The following STRN variants were observed in gnomAD, a reference collection of about 807,000 sequenced individuals.
The protein encoded by STRN is protein phosphatase 2 regulatory subunit B'''alpha.
STRN carries 53 observed loss-of-function variants against 96.3 expected under a neutral mutation model. The observed-to-expected ratio is 0.55, with a 90% CI of 0.44 to 0.69. The LOEUF is 0.69. STRN is among the 30% of genes least tolerant of loss of function. The probability of loss-of-function intolerance (pLI) is 0.00; values close to 1 mark genes in which losing one functional copy is unlikely to be tolerated. For missense variants in STRN, 987 were observed against 963.9 expected (o/e 1.02, Z -0.32); for synonymous variants, 428 against 355.9 (o/e 1.20, Z -2.28).
chr2:36,870,665 A>C (rs1016270319), intron 10 of STRN, among the ~76,000 whole-genome samples: 1 of 152,224 alleles, frequency 6.6e-6, no homozygotes, highest in South Asian at 2.1e-4. Context: ...AGCACATATA[A>C]TTATGTACAG....
rs1446778178 is a variant in STRN at position 36,848,707 on chromosome 2, CAG to C, written c.*747_*748del. Reference sequence around the variant, plus strand: ...AATAAGTTAAATCTGTTAGTAAAAGCAGAGTCGATCAACTATTCTTCACAATG... The same window carrying C: ...AATAAGTTAAATCTGTTAGTAAAAGCAGTCGATCAACTATTCTTCACAATG... On this transcript the variant is annotated 3_prime_UTR_variant, in exon 18 of 18. Coordinates refer to ENST00000263918, the MANE Select transcript of STRN (RefSeq NM_003162.4). The C allele has an allele frequency of 2.0e-5, 3 of 152,310 alleles. No homozygotes were observed. In the East Asian group the frequency reaches 5.8e-4, roughly 29 times the overall value. The allele number at this position is 152,310 out of a possible 1,614,324, so 9.4% of individuals were successfully genotyped here.
At chr2:36,954,557 T>A (rs1664836702) in intron 1 of STRN, among the ~76,000 whole-genome samples, 1 of 150,884 alleles carries the variant, frequency 6.6e-6, no homozygotes, top group Middle Eastern at 3.5e-3. Context: ...ATTTGCAGAT[T>A]TTTTTAAGAT....
intron 10 of STRN, among the ~76,000 whole-genome samples, chr2:36,873,215 C>A (rs572054814): frequency 8.5e-5 from 13 of 152,300 alleles, no homozygotes; most frequent in African/African-American, 3.1e-4. Context: ...CTGCATACAT[C>A]TGAGAAAAGC....
At chr2:36,928,084 T>C (rs1225148516) in intron 1 of STRN, among the ~76,000 whole-genome samples, 22 of 152,158 alleles carry the variant, frequency 1.4e-4, no homozygotes, top group Admixed American at 1.3e-4. Context: ...ACCTTTTTTT[T>C]CTCTAGGAAA....
intron 5 of STRN, 99 bp from the exon 6 acceptor site, chr2:36,899,757 C>G: frequency 9.2e-7 from 1 of 1,089,038 alleles, no homozygotes; most frequent in South Asian, 1.8e-5. Context: ...TATATGGTAA[C>G]TATAAATCCC....
chr2:36,858,107 C>T (rs1668393138), intron 13 of STRN, 84 bp from the exon 14 acceptor site: 1 of 1,102,402 alleles, frequency 9.1e-7, no homozygotes, highest in African/African-American at 1.6e-5. Flanking sequence ...AATATATAAA[C>T]AATAGCACCT....
chr2:36,947,756 CCCT>C (rs1450840220), intron 1 of STRN, among the ~76,000 whole-genome samples: 6 of 151,650 alleles, frequency 4.0e-5, no homozygotes, highest in Non-Finnish European at 7.4e-5. Flanking sequence ...AACCTCAGTT[CCCT>C]CAACTACAAA....
chr2:36,856,706 G>A lies in STRN; in HGVS notation c.1837+1150C>T, dbSNP rs143659461. On this transcript the variant is annotated intron_variant, in intron 14 of 17. Coordinates refer to ENST00000263918, the MANE Select transcript of STRN (RefSeq NM_003162.4). ...AAAGGAAATGTTCTATCTCTCATACGGTTTGGATCTGTGTCCTCACTCAAG... is the reference window on the plus strand; with the variant it reads ...AAAGGAAATGTTCTATCTCTCATACAGTTTGGATCTGTGTCCTCACTCAAG... 2.5e-3 allele frequency among the ~76,000 whole-genome samples: 384 copies of A among 152,264 alleles called. 3 individuals are homozygous for A. Among genetic ancestry groups the A allele is most frequent in the African/African-American group, 9.0e-3 (373 of 41,546 alleles).
chr2:36,936,528 T>C (rs1670705681), intron 1 of STRN, among the ~76,000 whole-genome samples: 1 of 152,236 alleles, frequency 6.6e-6, no homozygotes, highest in African/African-American at 2.4e-5. Context: ...TATTAATTGA[T>C]ATTACATATA....
At chr2:36,870,119 T>G (rs1283035073) in intron 10 of STRN, among the ~76,000 whole-genome samples, 2 of 152,138 alleles carry the variant, frequency 1.3e-5, no homozygotes, top group Non-Finnish European at 2.9e-5. Context: ...TTTTAAAATG[T>G]CATACTTTTG....
At chr2:36,887,042 G>GAC (rs70946957) in intron 7 of STRN, among the ~76,000 whole-genome samples, 208 of 144,874 alleles carry the variant, frequency 1.4e-3, no homozygotes, top group African/African-American at 5.0e-3. Flanking sequence ...TCTCCTGAAA[G>GAC]ACACACACAC....
intron 6 of STRN, among the ~76,000 whole-genome samples, chr2:36,894,503 T>C (rs1451405708): frequency 3.3e-5 from 5 of 152,186 alleles, no homozygotes; most frequent in Non-Finnish European, 7.3e-5. Context: ...GAATCACAAA[T>C]CCAATTGAAG....
intron 1 of STRN, among the ~76,000 whole-genome samples, chr2:36,963,765 T>A (rs1461002675): frequency 6.6e-6 from 1 of 152,050 alleles, no homozygotes; most frequent in Non-Finnish European, 1.5e-5. Context: ...AAGACCAACC[T>A]GGCCAACATT....
At chr2:36,883,377 A>AAC (rs1209313621) in intron 9 of STRN, among the ~76,000 whole-genome samples, 1 of 152,162 alleles carries the variant, frequency 6.6e-6, no homozygotes, top group African/African-American at 2.4e-5. Context: ...GAATCACTTG[A>AAC]ACCTGGGAGG....
intron 12 of STRN, among the ~76,000 whole-genome samples, chr2:36,862,716 CTTTTTAATGGGGTTG>C (rs1231631346): frequency 6.6e-6 from 1 of 151,522 alleles, no homozygotes; most frequent in Non-Finnish European, 1.5e-5. Flanking sequence ...CCTTTGCCCA[CTTTTTAATGGGGTTG>C]TTTTTATTCT....
intron 15 of STRN, among the ~76,000 whole-genome samples, chr2:36,852,057 A>T: frequency 6.6e-6 from 1 of 151,910 alleles, no homozygotes. Context: ...AAAAGTTGTG[A>T]CTCCTCCACA....
chr2:36,892,866 C>T (rs941317869), intron 7 of STRN, among the ~76,000 whole-genome samples: 1 of 151,948 alleles, frequency 6.6e-6, no homozygotes, highest in Non-Finnish European at 1.5e-5. Flanking sequence ...ACTAAAAATA[C>T]AAAAATTAGC....
At chr2:36,938,051 T>C (rs1319772674) in intron 1 of STRN, among the ~76,000 whole-genome samples, 12 of 152,202 alleles carry the variant, frequency 7.9e-5, no homozygotes, top group Non-Finnish European at 1.8e-4. Flanking sequence ...GTACTTTGAA[T>C]TTTAAAGTAT....
intron 11 of STRN, among the ~76,000 whole-genome samples, chr2:36,868,239 G>A (rs919162565): frequency 2.3e-5 from 3 of 129,522 alleles, no homozygotes; most frequent in East Asian, 2.1e-4. Flanking sequence ...AGATTACTCC[G>A]TTTAAAACAA....
Sources: gnomAD v4.1 joint callset for allele counts (sites outside exome capture counted in the v4.1 genomes callset) on GRCh38, gnomAD v4.1.1 for gene constraint, MANE v1.5 for transcripts, NCBI Gene and HGNC (gene_info 2026-07-23, HGNC 2026-07-21) for gene names.